Variants in DLG2 observed in about 807,000 individuals in gnomAD.
DLG2 encodes the protein disks large homolog 2.
In DLG2, 45 loss-of-function variants were observed where a neutral mutation model predicts 132.5. The ratio of observed to expected loss-of-function variants is 0.34; its 90% confidence interval spans 0.27 to 0.44. The LOEUF is 0.44. Among genes scored for constraint, DLG2 ranks in the 20% least tolerant of loss-of-function variants. DLG2 has a pLI of 1.00. For missense variants in DLG2, 1,045 were observed against 1,196.9 expected, an observed-to-expected ratio of 0.87 and a Z score of 1.87; for synonymous variants, 424 against 419.6, an observed-to-expected ratio of 1.01 and a Z score of -0.13.
At chr11:85,313,810 T>A (rs1358239672) in intron 3 of DLG2, among the ~76,000 whole-genome samples, 1 of 151,918 alleles carries the variant, frequency 6.6e-6, no homozygotes, top group Non-Finnish European at 1.5e-5. Flanking sequence ...TCTTGAGCAA[T>A]AACTGCACTC....
At chr11:84,736,646 A>G (rs1392079459) in intron 6 of DLG2, among the ~76,000 whole-genome samples, 4 of 151,874 alleles carry the variant, frequency 2.6e-5, no homozygotes, top group Admixed American at 6.6e-5. Flanking sequence ...TTCATATTTT[A>G]TGGTATTCTA....
At chr11:83,989,874 T>C (rs1016199232) in intron 11 of DLG2, among the ~76,000 whole-genome samples, 1 of 152,136 alleles carries the variant, frequency 6.6e-6, no homozygotes, top group Non-Finnish European at 1.5e-5. Context: ...AATACTGATT[T>C]CGGGGAAGTG....
At chr11:85,605,796 T>A (rs1012804129) in intron 2 of DLG2, among the ~76,000 whole-genome samples, 1 of 152,116 alleles carries the variant, frequency 6.6e-6, no homozygotes, top group Non-Finnish European at 1.5e-5. Flanking sequence ...CTGACCAACA[T>A]GGTGAAACCC....
At chr11:83,728,433 T>C (rs2153696263) in intron 18 of DLG2, among the ~76,000 whole-genome samples, 1 of 152,336 alleles carries the variant, frequency 6.6e-6, no homozygotes, top group South Asian at 2.1e-4. Context: ...CTTTATTCAT[T>C]CTTCTAAAAC....
intron 3 of DLG2, among the ~76,000 whole-genome samples, chr11:85,411,582 G>T (rs1407757122): frequency 6.6e-6 from 1 of 151,846 alleles, no homozygotes; most frequent in Non-Finnish European, 1.5e-5. Flanking sequence ...GTTGCAAATT[G>T]TACCTAATTG....
rs1251213210 is a variant in DLG2, at chr11:83,458,628, T to C, written c.*1190A>G. On this transcript the variant is annotated 3_prime_UTR_variant, in exon 28 of 28. Coordinates refer to ENST00000376104, the MANE Select transcript of DLG2 (RefSeq NM_001142699.3). The stretch of plus-strand genomic sequence containing the variant: ...AAAAGGTACTAATCCTAATTACTCA[T>C]TGTTGGCCAAAATGCTAAATGGTCC... 3 of 152,254 alleles carry C rather than the reference T, an allele frequency of 2.0e-5. No homozygotes were observed. The highest frequency in any genetic ancestry group is 4.4e-5 in the Non-Finnish European group (3 of 68,040). The allele number at this position is 152,254 out of a possible 1,614,324, so 9.4% of individuals were successfully genotyped here.
intron 7 of DLG2, among the ~76,000 whole-genome samples, chr11:84,273,767 A>T (rs1172796097): frequency 3.3e-5 from 5 of 152,202 alleles, no homozygotes; most frequent in Non-Finnish European, 7.3e-5. Flanking sequence ...ATATACATGC[A>T]TACTCACAGT....
At chr11:83,948,372 C>T (rs2084599642) in intron 14 of DLG2, among the ~76,000 whole-genome samples, 1 of 152,074 alleles carries the variant, frequency 6.6e-6, no homozygotes, top group Admixed American at 6.6e-5. Flanking sequence ...TCAGCAAATG[C>T]TTATTAAGGC....
intron 2 of DLG2, among the ~76,000 whole-genome samples, chr11:85,615,566 A>C (rs2081278498): frequency 1.3e-5 from 2 of 152,180 alleles, no homozygotes; most frequent in South Asian, 4.1e-4. Context: ...TGATTTTTGC[A>C]TCATTCCAGA....
chr11:85,521,614 A>T (rs576617990), intron 3 of DLG2, among the ~76,000 whole-genome samples: 1 of 152,298 alleles, frequency 6.6e-6, no homozygotes, highest in East Asian at 1.9e-4. Context: ...AGACAAAAAA[A>T]AATGTGGGAA....
chr11:84,938,986 C>A (rs183311597), intron 6 of DLG2, among the ~76,000 whole-genome samples: 1 of 151,978 alleles, frequency 6.6e-6, no homozygotes, highest in Non-Finnish European at 1.5e-5. Context: ...TGTAGACAAA[C>A]GGCTAAAATT....
chr11:85,574,003 G>T (rs2078000988), intron 3 of DLG2, among the ~76,000 whole-genome samples: 1 of 151,980 alleles, frequency 6.6e-6, no homozygotes, highest in South Asian at 2.1e-4. Flanking sequence ...GAAATTGGGA[G>T]ATTAATTTTT....
At chr11:84,373,379 G>A (rs754754408) in intron 7 of DLG2, among the ~76,000 whole-genome samples, 2 of 151,666 alleles carry the variant, frequency 1.3e-5, no homozygotes, top group Non-Finnish European at 2.9e-5. Context: ...AGACCAGCCT[G>A]GCCAACAAGA....
intron 18 of DLG2, among the ~76,000 whole-genome samples, chr11:83,706,298 A>G (rs536480043): frequency 5.9e-5 from 9 of 152,094 alleles, no homozygotes; most frequent in South Asian, 2.1e-4. Flanking sequence ...CTCCTATTCT[A>G]TATCAGGTGT....
intron 4 of DLG2, among the ~76,000 whole-genome samples, chr11:85,249,652 CAAT>C (rs1300167377): frequency 6.6e-6 from 1 of 152,012 alleles, no homozygotes; most frequent in East Asian, 1.9e-4. Flanking sequence ...AAAGCAGAAT[CAAT>C]GATGGAGACA....
intron 3 of DLG2, among the ~76,000 whole-genome samples, chr11:85,523,073 T>C (rs991650791): frequency 2.0e-5 from 3 of 152,214 alleles, no homozygotes; most frequent in Admixed American, 1.3e-4. Flanking sequence ...ATCCCAATTA[T>C]AATCCCCATG....
chr11:83,884,710 C>T (rs1343032095), intron 15 of DLG2, among the ~76,000 whole-genome samples: 1 of 152,212 alleles, frequency 6.6e-6, no homozygotes, highest in Admixed American at 6.5e-5. Flanking sequence ...TAGGGGCAGA[C>T]TGACACCTCA....
At chr11:84,263,338 A>G (rs61899194) in intron 7 of DLG2, among the ~76,000 whole-genome samples, 9,616 of 152,188 alleles carry the variant, frequency 0.063, 340 homozygotes, top group South Asian at 0.094. Context: ...TGCAGAAATA[A>G]AAGACAAAAG....
intron 4 of DLG2, among the ~76,000 whole-genome samples, chr11:85,270,238 T>C (rs1377830452): frequency 6.6e-6 from 1 of 152,178 alleles, no homozygotes; most frequent in Non-Finnish European, 1.5e-5. Flanking sequence ...GCTATTCTCA[T>C]GATAGTGAAT....
Sources: allele counts gnomAD v4.1 joint callset (sites outside exome capture counted in the v4.1 genomes callset), GRCh38; gene constraint gnomAD v4.1.1; transcripts MANE v1.5; gene names NCBI Gene and HGNC (gene_info 2026-07-23, HGNC 2026-07-21).